Variants in SYT3 observed in about 807,000 individuals in gnomAD.
The protein encoded by SYT3 is synaptotagmin-3.
SYT3 carries 25 observed loss-of-function variants against 50.6 expected under a neutral mutation model. That is an observed-to-expected ratio of 0.49 (90% CI 0.36 to 0.69). The LOEUF (loss-of-function observed/expected upper bound fraction) is 0.69. Among genes scored for constraint, SYT3 ranks in the 30% least tolerant of loss-of-function variants. The pLI is 0.00. For synonymous variants in SYT3, 323 were observed against 353.9 expected (o/e 0.91, Z 0.98); for missense variants, 589 against 793.6 (o/e 0.74, Z 3.10).
At position 50,629,613 on chromosome 19, in the gene SYT3, G is replaced by A. The variant is rs970595708; in HGVS notation, c.1063-101C>T. 224 of 1,307,096 alleles carry A rather than the reference G, an allele frequency of 1.7e-4. No individual in the cohort carries two copies. In the African/African-American group the frequency reaches 2.8e-3, roughly 16 times the overall value. 81.0% of individuals were successfully genotyped at this position (1,307,096 alleles called of 1,614,324 possible). Reference sequence around the variant, plus strand: ...CCAGCCCCTCCTCCCTCAGACCCAGGAGTCCAGGCCCCCAGCCCCTCCTCC... The same window carrying A: ...CCAGCCCCTCCTCCCTCAGACCCAGAAGTCCAGGCCCCCAGCCCCTCCTCC... On this transcript the variant is annotated intron_variant, in intron 5 of 10. Coordinates refer to ENST00000600079, the MANE Select transcript of SYT3 (RefSeq NM_001160329.2).
chr19:50,633,183 A>G (rs908239214), intron 3 of SYT3, among the ~76,000 whole-genome samples: 2 of 59,228 alleles, frequency 3.4e-5, no homozygotes, highest in African/African-American at 2.5e-4. Context: ...AGGTCTTGCT[A>G]TGTTGCCCAG....
At chr19:50,653,106 C>G in the SYT3 span, among the ~76,000 whole-genome samples, 1 of 152,228 alleles carries the variant, frequency 6.6e-6, no homozygotes, top group South Asian at 2.1e-4. Flanking sequence ...GGCACGATCC[C>G]GGCTCACTGC....
chr19:50,657,723 T>C, the SYT3 span, among the ~76,000 whole-genome samples: 1 of 152,238 alleles, frequency 6.6e-6, no homozygotes, highest in African/African-American at 2.4e-5. Context: ...CAACTGTTCA[T>C]TGACTTTGGG....
chr19:50,656,092 C>T, the SYT3 span: 1 of 1,536,134 alleles, frequency 6.5e-7, no homozygotes, highest in African/African-American at 1.4e-5. Flanking sequence ...GAGATGCAGG[C>T]TCGGAGCCTG....
chr19:50,630,230 G>T (rs1052987381), intron 4 of SYT3, 59 bp from the exon 5 acceptor site: 3 of 1,444,836 alleles, frequency 2.1e-6, no homozygotes, highest in Non-Finnish European at 2.7e-6. Context: ...TCGACTGCAT[G>T]CAGAGACCTG....
At chr19:50,655,314 T>C in the SYT3 span, among the ~76,000 whole-genome samples, 2 of 152,142 alleles carry the variant, frequency 1.3e-5, no homozygotes, top group South Asian at 4.1e-4. Context: ...AACTGTTATC[T>C]GTGAAGTTCC....
Position 50,632,822 on chromosome 19 carries a change from C to A in SYT3, c.149-11G>T. On this transcript the variant is annotated splice_polypyrimidine_tract_variant and intron_variant, in intron 3 of 10. Transcript: ENST00000600079. The surrounding 1 kb of genome is among the most constrained non-coding windows in gnomAD (Gnocchi z 4.7). ...GGCTCACGGAGATGTCTGGAGAGAA[C>A]GAGGACAGAGGTAGGGGTCAGGATG... The A allele has an allele frequency of 6.7e-7, 1 of 1,495,260 alleles. No individual in the cohort carries two copies. The highest frequency in any genetic ancestry group is 8.9e-7 in the Non-Finnish European group (1 of 1,124,882). The allele number at this position is 1,495,260 out of a possible 1,614,324, so 92.6% of individuals were successfully genotyped here.
intron 3 of SYT3, among the ~76,000 whole-genome samples, chr19:50,633,637 CT>C (rs1984398125): frequency 6.6e-6 from 1 of 152,220 alleles, no homozygotes. Context: ...AAAATCAGTT[CT>C]TCCCTCTTAC....
At chr19:50,622,891 C>T (rs926547772) in intron 9 of SYT3, 136 bp from the exon 10 acceptor site, 15 of 508,212 alleles carry the variant, frequency 3.0e-5, no homozygotes, top group Admixed American at 1.7e-4. Context: ...AAGTGACGGA[C>T]AGATGGTATT....
chr19:50,630,862 G>A (rs1193638581), intron 4 of SYT3, among the ~76,000 whole-genome samples: 1 of 152,124 alleles, frequency 6.6e-6, no homozygotes, highest in Non-Finnish European at 1.5e-5. Context: ...ACGCTCTTCT[G>A]CCCTTCTCTT....
At chr19:50,644,529 T>C (rs1041577636), upstream of SYT3, among the ~76,000 whole-genome samples, 1 of 151,132 alleles carries the variant, frequency 6.6e-6, no homozygotes, top group Non-Finnish European at 1.5e-5. Flanking sequence ...GATGAAGGGA[T>C]GGATGAGTGG....
chr19:50,626,672 G>A (rs1468143773), intron 6 of SYT3, among the ~76,000 whole-genome samples: 1 of 150,840 alleles, frequency 6.6e-6, no homozygotes, highest in Non-Finnish European at 1.5e-5. Flanking sequence ...CAGAGAGGGG[G>A]ACAGAGACCC....
the SYT3 span, among the ~76,000 whole-genome samples, chr19:50,652,507 G>A: frequency 3.3e-5 from 5 of 152,296 alleles, no homozygotes; most frequent in Non-Finnish European, 5.9e-5. Context: ...CAAATGAGGG[G>A]GAAGAGAGAT....
In SYT3 at chr19:50,623,613, C is replaced by CAAAAAAAAAAAAAAAA. The variant is rs529397903; in HGVS notation, c.1708-874_1708-859dup. Among the ~76,000 whole-genome samples the CAAAAAAAAAAAAAAAA allele has an allele frequency of 3.5e-4, 32 of 91,614 alleles. 2 individuals are homozygous for CAAAAAAAAAAAAAAAA. Among genetic ancestry groups the CAAAAAAAAAAAAAAAA allele is most frequent in the Non-Finnish European group, 5.6e-4 (27 of 48,480 alleles). The allele number at this position is 91,614 out of a possible 152,430, so 60.1% of individuals were successfully genotyped here. ...ACAACATGGCAAAACCCTGTCTCTACAAAAAAAAAAAAAAAAAAAAAAAAA... is the reference window on the plus strand; with the variant it reads ...ACAACATGGCAAAACCCTGTCTCTACAAAAAAAAAAAAAAAAAAAAAAAAAAAAAAAAAAAAAAAAA... On this transcript the variant is annotated intron_variant, in intron 9 of 10. Transcript: ENST00000600079.
chr19:50,651,967 T>C, the SYT3 span, among the ~76,000 whole-genome samples: 2 of 152,180 alleles, frequency 1.3e-5, no homozygotes, highest in Non-Finnish European at 2.9e-5. Context: ...TTAACGCTTG[T>C]ACAAGGCTAT....
the SYT3 span, among the ~76,000 whole-genome samples, chr19:50,653,043 T>C: frequency 6.6e-6 from 1 of 152,158 alleles, no homozygotes; most frequent in African/African-American, 2.4e-5. Context: ...CTATTCTATT[T>C]TATTTTATTT....
chr19:50,626,894 G>T (rs1984091732), intron 6 of SYT3, among the ~76,000 whole-genome samples: 1 of 151,934 alleles, frequency 6.6e-6, no homozygotes, highest in Non-Finnish European at 1.5e-5. Flanking sequence ...GAGGGGCAGA[G>T]ACCAGAGAGC....
intron 6 of SYT3, among the ~76,000 whole-genome samples, chr19:50,628,885 C>T: frequency 6.7e-6 from 1 of 148,630 alleles, no homozygotes; most frequent in East Asian, 2.0e-4. Context: ...AGTGCAATGG[C>T]ATGATCTCTG....
At position 50,622,273 on chromosome 19, in the gene SYT3, C is replaced by T. The variant is rs1304289330; in HGVS notation, c.*212G>A. On this transcript the variant is annotated 3_prime_UTR_variant, in exon 11 of 11. Coordinates refer to ENST00000600079, the MANE Select transcript of SYT3 (RefSeq NM_001160329.2). ...AGCCCCAGGGAAGAAAAGACAGACA[C>T]AGTGGAGGCTGAATGACCCCCACCC... 1 of 171,690 alleles carries T rather than the reference C, an allele frequency of 5.8e-6. No individual in the cohort carries two copies. The highest frequency in any genetic ancestry group is 1.2e-5 in the Non-Finnish European group (1 of 80,742). 10.6% of individuals were successfully genotyped at this position (171,690 alleles called of 1,614,324 possible).
Sources: gnomAD v4.1 joint callset for allele counts (sites outside exome capture counted in the v4.1 genomes callset) on GRCh38, gnomAD v4.1.1 for gene constraint, Gnocchi (gnomAD v3.1) non-coding constraint, MANE v1.5 for transcripts, NCBI Gene and HGNC (gene_info 2026-07-23, HGNC 2026-07-21) for gene names.